The following KALRN variants were observed in gnomAD, a reference collection of about 807,000 sequenced individuals.
KALRN encodes kalirin.
A neutral mutation model predicts 353.7 loss-of-function variants in KALRN; 70 were observed. The ratio of observed to expected loss-of-function variants is 0.20; its 90% CI spans 0.16 to 0.24. KALRN has a LOEUF of 0.24. Ranked by LOEUF, KALRN falls within the 10% of genes least tolerant of loss-of-function variation. The pLI is 1.00. For synonymous variants in KALRN, 1,391 were observed against 1,434.8 expected (o/e 0.97, Z 0.69); for missense variants, 2,791 against 3,756.7 (o/e 0.74, Z 6.72).
intron 3 of KALRN, among the ~76,000 whole-genome samples, chr3:124,241,187 G>A (rs1040562309): frequency 2.0e-5 from 3 of 152,046 alleles, no homozygotes; most frequent in African/African-American, 7.2e-5. Context: ...TGGGTTTTAT[G>A]TTTATCCTTC....
intron 8 of KALRN, 36 bp downstream of exon 8, chr3:124,330,028 A>T (rs2149432790): frequency 6.2e-7 from 1 of 1,606,642 alleles, no homozygotes; most frequent in South Asian, 1.1e-5. Context: ...GTTCTTGGGC[A>T]TGTCTGCATG....
intron 32 of KALRN, among the ~76,000 whole-genome samples, chr3:124,495,965 G>GTGTATATATATATATATA (rs1239001137): frequency 3.6e-4 from 15 of 41,478 alleles, no homozygotes; most frequent in Non-Finnish European, 4.7e-4. Flanking sequence ...GTGTATGTAT[G>GTGTATATATATATATATA]TATATATATA....
intron 1 of KALRN, among the ~76,000 whole-genome samples, chr3:124,153,888 A>ATCTTT (rs997874177): frequency 2.0e-5 from 3 of 151,832 alleles, no homozygotes; most frequent in Non-Finnish European, 4.4e-5. Flanking sequence ...GCATTTTTTC[A>ATCTTT]TGTGTCTTTT....
At chr3:124,232,879 A>C (rs1421416432) in intron 2 of KALRN, among the ~76,000 whole-genome samples, 3 of 151,146 alleles carry the variant, frequency 2.0e-5, no homozygotes, top group African/African-American at 4.9e-5. Flanking sequence ...AGTGTCAGAC[A>C]GGGAAAAAAA....
chr3:124,212,431 A>C (rs1447903332), intron 1 of KALRN, among the ~76,000 whole-genome samples: 4 of 152,166 alleles, frequency 2.6e-5, no homozygotes, highest in Non-Finnish European at 4.4e-5. Flanking sequence ...TCTTCCATGA[A>C]ATTAAAAATT....
chr3:124,608,212 G>T (rs2077557485), intron 34 of KALRN, among the ~76,000 whole-genome samples: 1 of 151,480 alleles, frequency 6.6e-6, no homozygotes, highest in African/African-American at 2.4e-5. Context: ...TCACCATGTT[G>T]CCCAGGCTGG....
intron 1 of KALRN, among the ~76,000 whole-genome samples, chr3:124,086,353 G>GTGTT (rs1553755792): frequency 7.0e-6 from 1 of 143,228 alleles, no homozygotes; most frequent in Admixed American, 7.1e-5. Context: ...GTGTGTGTGT[G>GTGTT]TTTTTGCTGG....
chr3:124,637,430 G>A (rs1025447109), intron 37 of KALRN, 127 bp downstream of exon 37: 4 of 740,710 alleles, frequency 5.4e-6, no homozygotes, highest in Non-Finnish European at 9.5e-6. Flanking sequence ...AGCTAATGAT[G>A]GTTTCTAAAA....
chr3:124,592,309 C>CAAAAAAAA (rs10575664), intron 34 of KALRN, among the ~76,000 whole-genome samples: 335 of 120,220 alleles, frequency 2.8e-3, no homozygotes, highest in East Asian at 4.9e-3. Flanking sequence ...CTCAAAGAAA[C>CAAAAAAAA]AAAAAAAAAA....
chr3:124,039,913 C>G (rs1285568390), intron 1 of KALRN, among the ~76,000 whole-genome samples: 1 of 152,022 alleles, frequency 6.6e-6, no homozygotes, highest in Non-Finnish European at 1.5e-5. Context: ...TTTTCAGGAG[C>G]CTTTGGGGGA....
chr3:124,441,906 C>T, intron 18 of KALRN, 39 bp from the exon 19 acceptor site: 3 of 1,304,840 alleles, frequency 2.3e-6, no homozygotes, highest in Non-Finnish European at 2.1e-6. Context: ...ATTCCATACA[C>T]CTGCTGGGAC....
At chr3:124,490,628 G>C in intron 29 of KALRN, 66 bp from the exon 30 acceptor site, 3 of 1,470,162 alleles carry the variant, frequency 2.0e-6, no homozygotes, top group Non-Finnish European at 2.8e-6. Flanking sequence ...CAAGAGGGGG[G>C]TGGAACATGG....
At chr3:124,465,644 G>C (rs683415) in intron 25 of KALRN, among the ~76,000 whole-genome samples, 150,679 of 152,318 alleles carry the variant, frequency 0.99, 74,542 homozygotes, top group East Asian at 1. Context: ...AGAAATACTT[G>C]TCCGAAATTG....
chr3:124,566,549 C>T (rs892144402), intron 34 of KALRN, among the ~76,000 whole-genome samples: 3 of 151,610 alleles, frequency 2.0e-5, no homozygotes, highest in African/African-American at 7.3e-5. Context: ...CCATGGAGCA[C>T]TCCTTATGCC....
At chr3:124,646,531 C>T (rs2082761964) in intron 37 of KALRN, among the ~76,000 whole-genome samples, 1 of 151,532 alleles carries the variant, frequency 6.6e-6, no homozygotes, top group South Asian at 2.1e-4. Flanking sequence ...GCTGGGACTA[C>T]AGGCATGTGC....
chr3:124,426,139 T>C (rs1313852579), intron 15 of KALRN, among the ~76,000 whole-genome samples: 1 of 152,208 alleles, frequency 6.6e-6, no homozygotes. Context: ...AGACTTGTTT[T>C]CCTTGTCAGT....
At chr3:124,153,052 C>T (rs544957413) in intron 1 of KALRN, 78 of 205,626 alleles carry the variant, frequency 3.8e-4, no homozygotes, top group Non-Finnish European at 6.0e-4. Flanking sequence ...CAGCAGGAAC[C>T]TTCTTCTTTT....
chr3:124,507,280 G>A (rs2065340653), intron 33 of KALRN, among the ~76,000 whole-genome samples: 2 of 152,194 alleles, frequency 1.3e-5, no homozygotes, highest in Middle Eastern at 3.4e-3. Flanking sequence ...TCTTAAAGGG[G>A]AATGCTTACT....
chr3:124,719,280 G>A lies in KALRN; in HGVS notation c.8771G>A (p.Arg2924Gln), dbSNP rs773899376. 12 of 1,614,188 alleles carry A rather than the reference G, an allele frequency of 7.4e-6. No individual in the cohort carries two copies. The highest frequency in any genetic ancestry group is 2.7e-5 in the African/African-American group (2 of 75,062). The change falls in exon 60 of 60, where the codon CGG becomes CAG. Residue 2924 changes from arginine to glutamine, a missense_variant. Arg to Gln is a conservative substitution (Grantham distance 43). This residue lies in a region of KALRN where 188 missense variants were observed against 402.9 expected (regional missense o/e 0.47). Transcript: ENST00000682506. The surrounding 1 kb of genome is among the most constrained non-coding windows in gnomAD (Gnocchi z 5.3). ...AATGTGATCTTACAGGAAGATTTTC[G>A]GAGGCGGCCCACAGCAGCCACATGC... ...FINVILQEDFRRRPTAATCLQ... is the reference protein window; with the variant it reads ...FINVILQEDFQRRPTAATCLQ...
Sources: allele counts gnomAD v4.1 joint callset (sites outside exome capture counted in the v4.1 genomes callset), GRCh38; gene constraint gnomAD v4.1.1; regional missense constraint gnomAD v4.1.1; non-coding constraint Gnocchi (gnomAD v3.1); transcripts MANE v1.5; gene names NCBI Gene and HGNC (gene_info 2026-07-23, HGNC 2026-07-21).